Variants in LONRF2 observed in about 807,000 individuals in gnomAD.
The protein encoded by LONRF2 is LON peptidase N-terminal domain and RING finger protein 2.
A neutral mutation model predicts 66.6 loss-of-function variants in LONRF2; 35 were observed. The observed-to-expected ratio is 0.53, with a 90% CI of 0.40 to 0.70. The LOEUF (loss-of-function observed/expected upper bound fraction) is 0.70, where lower values mean the gene tolerates loss of function less well. Among genes scored for constraint, LONRF2 ranks in the 30% least tolerant of loss-of-function variants. The probability of loss-of-function intolerance (pLI) is 0.00; values close to 1 mark genes in which losing one functional copy is unlikely to be tolerated. For missense variants in LONRF2, 902 were observed against 1,002.1 expected (o/e 0.90, Z 1.35); for synonymous variants, 417 against 418.1 (o/e 1.00, Z 0.03).
chr2:100,291,384 G>A (rs1054628171), intron 9 of LONRF2, among the ~76,000 whole-genome samples: 1 of 151,894 alleles, frequency 6.6e-6, no homozygotes, highest in Non-Finnish European at 1.5e-5. Context: ...TGGTTGCTGG[G>A]GCAGCAAGTC....
chr2:100,303,267 G>A (rs150941876), intron 2 of LONRF2, among the ~76,000 whole-genome samples: 141 of 152,330 alleles, frequency 9.3e-4, no homozygotes, highest in African/African-American at 3.2e-3. Flanking sequence ...GAACACAGGA[G>A]CTACCGTACC....
chr2:100,313,889 A>T (rs1675455824), intron 1 of LONRF2, among the ~76,000 whole-genome samples: 1 of 152,172 alleles, frequency 6.6e-6, no homozygotes, highest in Non-Finnish European at 1.5e-5. Flanking sequence ...ATTCTGTGAG[A>T]TTCATTCTTA....
In LONRF2 at chr2:100,279,578, T is replaced by A. The variant is rs1188271861; in HGVS notation, c.*4720A>T. 1 of 152,208 alleles carries A rather than the reference T, an allele frequency of 6.6e-6. No individual in the cohort carries two copies. The highest frequency in any genetic ancestry group is 1.5e-5 in the Non-Finnish European group (1 of 68,044). The allele number at this position is 152,208 out of a possible 1,614,324, so 9.4% of individuals were successfully genotyped here. On this transcript the variant is annotated 3_prime_UTR_variant, in exon 12 of 12. Coordinates refer to ENST00000393437, the MANE Select transcript of LONRF2 (RefSeq NM_198461.4). ...TAATCATGATTTCTATATTTTATGA[T>A]ATTTTGACATCTCAGGGGCCTCGCT...
chr2:100,291,849 G>A (rs993727861), intron 9 of LONRF2, among the ~76,000 whole-genome samples: 3 of 152,014 alleles, frequency 2.0e-5, no homozygotes, highest in Non-Finnish European at 4.4e-5. Flanking sequence ...ACTATCACCC[G>A]TAACCTAGTG....
At chr2:100,320,990 T>C (rs1183385450) in intron 1 of LONRF2, among the ~76,000 whole-genome samples, 2 of 152,204 alleles carry the variant, frequency 1.3e-5, no homozygotes, top group African/African-American at 4.8e-5. Flanking sequence ...TTCCTGGCTA[T>C]ATTAGCTGAA....
At chr2:100,285,439 C>A (rs1196808003) in intron 11 of LONRF2, among the ~76,000 whole-genome samples, 2 of 152,136 alleles carry the variant, frequency 1.3e-5, no homozygotes, top group Non-Finnish European at 2.9e-5. Context: ...CTGAGTAGCA[C>A]GCTTAATGGG....
rs1226663984 is a variant in LONRF2 at position 100,309,216 on chromosome 2, T to A, written c.689A>T (p.Asp230Val). 6.3e-7 allele frequency: 1 copy of A among 1,599,732 alleles called. No homozygotes were observed. The highest frequency in any genetic ancestry group is 1.3e-5 in the African/African-American group (1 of 74,206). Reference protein sequence around the residue: ...CDQALELAPDDNSLLLLRAEL... With the variant: ...CDQALELAPDVNSLLLLRAEL... ...CGCCCGCAGCAGCAATAATGAATTA[T>A]CATCAGGAGCTGAAAGACAGGAGGA... The change falls in exon 2 of 12, where the codon GAT (aspartate) becomes GTT (valine). Residue 230 changes from aspartate (D) to valine (V), a missense_variant. Transcript: ENST00000393437.
At chr2:100,320,997 T>C (rs532049216) in intron 1 of LONRF2, among the ~76,000 whole-genome samples, 1 of 152,328 alleles carries the variant, frequency 6.6e-6, no homozygotes, top group East Asian at 1.9e-4. Flanking sequence ...CTATATTAGC[T>C]GAAACCCAAA....
chr2:100,292,386 T>C (rs1184339404), intron 9 of LONRF2, among the ~76,000 whole-genome samples: 1 of 152,188 alleles, frequency 6.6e-6, no homozygotes, highest in Admixed American at 6.5e-5. Context: ...CCACACAAGG[T>C]CATTAGCAAT....
At chr2:100,291,281 C>T (rs972118364) in intron 9 of LONRF2, among the ~76,000 whole-genome samples, 3 of 152,178 alleles carry the variant, frequency 2.0e-5, no homozygotes, top group African/African-American at 4.8e-5. Flanking sequence ...ACACAGGATC[C>T]TGTCCACAGA....
Position 100,322,242 on chromosome 2 carries a change from A to C in LONRF2, c.-149T>G. 1.1e-3 allele frequency: 694 copies of C among 623,942 alleles called. No individual in the cohort carries two copies. Among genetic ancestry groups the C allele is most frequent in the East Asian group, 2.7e-3 (45 of 16,876 alleles). The allele number at this position is 623,942 out of a possible 1,614,324, so 38.7% of individuals were successfully genotyped here. ...GGGCGGCGCGCTGCGAGCGGCTGAGACCGCGGGCGGGGGCGGGCGCCTGGC... is the reference window on the plus strand; with the variant it reads ...GGGCGGCGCGCTGCGAGCGGCTGAGCCCGCGGGCGGGGGCGGGCGCCTGGC... On this transcript the variant is annotated 5_prime_UTR_variant, in exon 1 of 12. Coordinates refer to ENST00000393437, the MANE Select transcript of LONRF2 (RefSeq NM_198461.4).
chr2:100,299,301 C>T lies in LONRF2; in HGVS notation c.1286G>A (p.Ser429Asn). 6.3e-7 allele frequency: 1 copy of T among 1,582,218 alleles called. No homozygotes were observed. ...IPKKDLSLQR[S>N]PNSETEESQG... ...ACTTTCTTCTGTCTCAGAGTTTGGGCTCCTTTGAAGTGAGAGATCTGAATG... is the reference window on the plus strand; with the variant it reads ...ACTTTCTTCTGTCTCAGAGTTTGGGTTCCTTTGAAGTGAGAGATCTGAATG... The change falls in exon 6 of 12, where the codon AGC (serine) becomes AAC (asparagine). Residue 429 changes from serine (S) to asparagine (N), a missense_variant. Ser to Asn is a conservative substitution (Grantham distance 46). Coordinates refer to ENST00000393437, the MANE Select transcript of LONRF2 (RefSeq NM_198461.4).
rs370670508 is a variant in LONRF2 at position 100,300,126 on chromosome 2, G to T, written c.1066-208C>A. ...CAGGATAATTTCTTCCTGAGCCAGG[G>T]CAAGTGAAAAGTTATCTTCATATGC... On this transcript the variant is annotated intron_variant, in intron 4 of 11. Coordinates refer to ENST00000393437, the MANE Select transcript of LONRF2 (RefSeq NM_198461.4). Among the ~76,000 whole-genome samples the T allele has an allele frequency of 2.2e-3, 331 of 151,660 alleles. 2 individuals are homozygous for T. Among genetic ancestry groups the T allele is most frequent in the African/African-American group, 7.8e-3 (321 of 41,240 alleles).
At chr2:100,305,244 T>C (rs1460733929) in intron 2 of LONRF2, among the ~76,000 whole-genome samples, 1 of 152,198 alleles carries the variant, frequency 6.6e-6, no homozygotes, top group Non-Finnish European at 1.5e-5. Context: ...TTCCTTTTCA[T>C]GTGCAGGTTT....
chr2:100,300,885 T>G, intron 3 of LONRF2, 98 bp from the exon 4 acceptor site: 1 of 937,812 alleles, frequency 1.1e-6, no homozygotes, highest in Non-Finnish European at 1.4e-6. Flanking sequence ...AGAGGCCAAA[T>G]AAGCCTAAAA....
intron 7 of LONRF2, 49 bp from the exon 8 acceptor site, chr2:100,295,602 G>A: frequency 1.9e-6 from 3 of 1,579,560 alleles, no homozygotes; most frequent in Non-Finnish European, 2.6e-6. Flanking sequence ...TGATTCTAAA[G>A]GACGAAGCTT....
rs60454280 is a variant in LONRF2 at position 100,281,277 on chromosome 2, GTTTT to G, written c.*3017_*3020del. ...ACAATTTGTTAAACAGTCTTGGTGT[GTTTT>G]TTGTTTGTTTGTTTGTTTTTGTTTT... is the stretch of plus-strand genomic sequence containing the variant. On this transcript the variant is annotated 3_prime_UTR_variant, in exon 12 of 12. Coordinates refer to ENST00000393437, the MANE Select transcript of LONRF2 (RefSeq NM_198461.4). The G allele has an allele frequency of 0.62, 94,562 of 151,878 alleles. 30,011 individuals carry two copies. Among genetic ancestry groups the G allele is most frequent in the East Asian group, 0.94 (4,843 of 5,148 alleles). The allele number at this position is 151,878 out of a possible 1,614,324, so 9.4% of individuals were successfully genotyped here.
intron 6 of LONRF2, 31 bp downstream of exon 6, chr2:100,299,193 TAA>T (rs752723195): frequency 6.8e-7 from 1 of 1,481,408 alleles, no homozygotes; most frequent in African/African-American, 1.4e-5. Flanking sequence ...GCTGCAGTTT[TAA>T]AAGAGTTGCA....
At position 100,278,741 on chromosome 2, in the gene LONRF2, C is replaced by T. The variant is rs1010449983; in HGVS notation, c.*5557G>A. The T allele has an allele frequency of 5.9e-5, 9 of 152,246 alleles. No homozygotes were observed. The highest frequency in any genetic ancestry group is 2.2e-4 in the African/African-American group (9 of 41,416). 9.4% of individuals were successfully genotyped at this position (152,246 alleles called of 1,614,324 possible). A position where few individuals can be genotyped will look rare whatever the true frequency, so the allele number is the denominator to read the frequency against. On this transcript the variant is annotated 3_prime_UTR_variant, in exon 12 of 12. Coordinates refer to ENST00000393437, the MANE Select transcript of LONRF2 (RefSeq NM_198461.4). ...CTCACGGCTGAAGATGACATGGTCC[C>T]AGCCACGACCTCGCCGTGGGAGATA...
Sources: gnomAD v4.1 joint callset for allele counts (sites outside exome capture counted in the v4.1 genomes callset) on GRCh38, gnomAD v4.1.1 for gene constraint, MANE v1.5 for transcripts, NCBI Gene and HGNC (gene_info 2026-07-23, HGNC 2026-07-21) for gene names.